The following PTPRT variants were observed in gnomAD, a reference collection of about 807,000 sequenced individuals.
PTPRT encodes the protein protein tyrosine phosphatase receptor type T.
Under a neutral mutation model 176.8 loss-of-function variants are expected in PTPRT, and 56 were observed. The observed-to-expected ratio is 0.32, with a 90% CI of 0.26 to 0.40. PTPRT has a LOEUF of 0.40. Among genes scored for constraint, PTPRT ranks in the 10% least tolerant of loss-of-function variants. PTPRT has a pLI of 1.00. For synonymous variants in PTPRT, 783 were observed against 739.0 expected (o/e 1.06, Z -0.96); for missense variants, 1,540 against 1,908.2 (o/e 0.81, Z 3.60).
chr20:42,104,758 A>G (rs372794361), intron 24 of PTPRT, 40 bp from the exon 25 acceptor site: 6 of 1,522,418 alleles, frequency 3.9e-6, no homozygotes, highest in Admixed American at 1.7e-5. Flanking sequence ...GCCAGGTAAG[A>G]ACAGTGGCCT....
intron 13 of PTPRT, among the ~76,000 whole-genome samples, chr20:42,269,260 G>T (rs1397968839): frequency 2.0e-5 from 3 of 152,182 alleles, no homozygotes; most frequent in Non-Finnish European, 4.4e-5. Flanking sequence ...ACATTCACCA[G>T]CAGTGATGTC....
At position 42,954,159 on chromosome 20, in the gene PTPRT, C is replaced by T. The variant is rs190118273; in HGVS notation, c.89-68227G>A. Among the ~76,000 whole-genome samples, 31 of 152,180 alleles carry T rather than the reference C, an allele frequency of 2.0e-4. No individual in the cohort carries two copies. The East Asian group carries it at 4.3e-3, about 21-fold the overall frequency. ...TCCTGCCAGAGTTGACTGGTCTCAG[C>T]GAGACTAACTCAGTAGATCCAACTC... On this transcript the variant is annotated intron_variant, in intron 1 of 30. Transcript: ENST00000373187.
the PTPRT span, among the ~76,000 whole-genome samples, chr20:42,066,490 A>T: frequency 0.47 from 70,871 of 151,984 alleles, 18,034 homozygotes; most frequent in East Asian, 0.71. Context: ...GTATCTGTGC[A>T]ATTTCTTCAT....
At chr20:42,620,178 A>T (rs2074162787) in intron 7 of PTPRT, among the ~76,000 whole-genome samples, 1 of 146,970 alleles carries the variant, frequency 6.8e-6, no homozygotes. Flanking sequence ...CCTCAGCTGC[A>T]GGTCTGTTGG....
At chr20:43,083,345 T>TATATATATATATAC (rs1308886723) in intron 1 of PTPRT, among the ~76,000 whole-genome samples, 2,014 of 117,328 alleles carry the variant, frequency 0.017, 163 homozygotes, top group East Asian at 0.053. Context: ...TATATATATA[T>TATATATATATATAC]ATATATATAT....
At chr20:43,098,045 C>T (rs1320086837) in intron 1 of PTPRT, among the ~76,000 whole-genome samples, 4 of 152,078 alleles carry the variant, frequency 2.6e-5, no homozygotes, top group African/African-American at 9.7e-5. Flanking sequence ...CCCGAAGCCA[C>T]GTGAGGAAGG....
chr20:42,750,331 C>CTA (rs999398771), intron 6 of PTPRT, among the ~76,000 whole-genome samples: 13 of 151,984 alleles, frequency 8.6e-5, no homozygotes, highest in African/African-American at 1.7e-4. Context: ...ATATATTATG[C>CTA]TATATATATG....
intron 11 of PTPRT, among the ~76,000 whole-genome samples, chr20:42,330,316 C>CA (rs1360199001): frequency 5.3e-5 from 8 of 151,648 alleles, no homozygotes; most frequent in African/African-American, 1.5e-4. Flanking sequence ...ATTAAAAATA[C>CA]AAAAAAATTA....
At chr20:43,163,111 G>A (rs1325281712) in intron 1 of PTPRT, among the ~76,000 whole-genome samples, 1 of 152,218 alleles carries the variant, frequency 6.6e-6, no homozygotes, top group Non-Finnish European at 1.5e-5. Flanking sequence ...GCCCTGCTAG[G>A]AACTGTGGCA....
At chr20:42,900,970 T>A (rs1869934488) in intron 1 of PTPRT, among the ~76,000 whole-genome samples, 1 of 152,136 alleles carries the variant, frequency 6.6e-6, no homozygotes, top group South Asian at 2.1e-4. Context: ...ACTGATTGTA[T>A]CTTGAGTTAA....
chr20:42,681,432 G>A (rs979847772), intron 6 of PTPRT, among the ~76,000 whole-genome samples: 4 of 152,214 alleles, frequency 2.6e-5, no homozygotes, highest in African/African-American at 4.8e-5. Context: ...CTGGTCTAGA[G>A]GTTAGGGAAG....
At chr20:42,586,387 T>A (rs1417157721) in intron 7 of PTPRT, among the ~76,000 whole-genome samples, 1 of 152,202 alleles carries the variant, frequency 6.6e-6, no homozygotes. Context: ...CAGTTGAAAC[T>A]AATGACAGCA....
chr20:42,238,157 C>G (rs964287744), intron 14 of PTPRT, among the ~76,000 whole-genome samples: 5 of 152,060 alleles, frequency 3.3e-5, no homozygotes, highest in African/African-American at 1.2e-4. Context: ...AAAATTTGCC[C>G]GAGGCTCTAT....
In PTPRT at chr20:42,197,966, T is replaced by C. The variant is rs1196371021; in HGVS notation, c.2491+1274A>G. Among the ~76,000 whole-genome samples the C allele has an allele frequency of 2.0e-5, 3 of 152,336 alleles. No individual in the cohort carries two copies. In the East Asian group the frequency reaches 5.8e-4, roughly 29 times the overall value. On this transcript the variant is annotated intron_variant, in intron 16 of 30. Transcript: ENST00000373187. The stretch of plus-strand genomic sequence containing the variant: ...GTGCTGTATTCTAAATCTGGGTGCC[T>C]ATGAGAACTCTCTGAATGACTTACA...
At chr20:42,610,449 G>A (rs375195236) in intron 7 of PTPRT, among the ~76,000 whole-genome samples, 8 of 151,070 alleles carry the variant, frequency 5.3e-5, no homozygotes, top group African/African-American at 1.9e-4. Flanking sequence ...CGAACTTCTG[G>A]CCTCAAGCAA....
At chr20:42,457,927 A>G (rs995378536) in intron 8 of PTPRT, among the ~76,000 whole-genome samples, 2 of 152,152 alleles carry the variant, frequency 1.3e-5, no homozygotes, top group African/African-American at 4.8e-5. Flanking sequence ...ATGGACTAGC[A>G]AATAAAGATG....
intron 8 of PTPRT, 76 bp downstream of exon 8, chr20:42,472,190 C>T: frequency 1.3e-6 from 2 of 1,486,526 alleles, no homozygotes; most frequent in Admixed American, 4.2e-5. Flanking sequence ...AAATAAAAGC[C>T]TCATAACTGA....
intron 12 of PTPRT, among the ~76,000 whole-genome samples, chr20:42,297,116 A>C (rs559882538): frequency 6.6e-6 from 1 of 152,300 alleles, no homozygotes; most frequent in South Asian, 2.1e-4. Flanking sequence ...ATATAAAACA[A>C]GAATTCAACT....
At chr20:42,422,442 A>C (rs2059126727) in intron 9 of PTPRT, among the ~76,000 whole-genome samples, 1 of 152,228 alleles carries the variant, frequency 6.6e-6, no homozygotes, top group Non-Finnish European at 1.5e-5. Flanking sequence ...ACAAACATGA[A>C]AACATGCTCA....
Sources: allele counts gnomAD v4.1 joint callset (sites outside exome capture counted in the v4.1 genomes callset), GRCh38; gene constraint gnomAD v4.1.1; transcripts MANE v1.5; gene names NCBI Gene and HGNC (gene_info 2026-07-23, HGNC 2026-07-21).